The following WSCD1 variants were observed in gnomAD, a reference collection of about 807,000 sequenced individuals.
WSCD1 encodes the protein sialate:O-sulfotransferase 1.
In WSCD1, 41 loss-of-function variants were observed where a neutral mutation model predicts 60.4. That is an observed-to-expected ratio of 0.68 (90% confidence interval 0.53 to 0.88). The LOEUF is 0.88. WSCD1 is among the 40% of genes least tolerant of loss of function. The pLI is 0.00. For synonymous variants in WSCD1, 361 were observed against 332.5 expected (o/e 1.09, Z -0.93); for missense variants, 784 against 796.2 (o/e 0.98, Z 0.18).
intron 8 of WSCD1, 138 bp from the exon 9 acceptor site, chr17:6,120,171 A>C (rs1597373000): frequency 2.1e-6 from 2 of 952,476 alleles, no homozygotes; most frequent in East Asian, 2.4e-5. Context: ...GTCCTCCTCC[A>C]TGGGGAATGC....
At chr17:6,069,438 A>T (rs867876404), upstream of WSCD1, 11,211 of 304,530 alleles carry the variant, frequency 0.037, 197 homozygotes, top group Middle Eastern at 0.076. Context: ...TGAGAGAGAG[A>T]GAGAGAGAGA....
Position 6,120,531 on chromosome 17 carries a change from G to A in WSCD1, c.1598G>A (p.Arg533Gln), listed in dbSNP as rs781124961. 89 of 1,613,608 alleles carry A rather than the reference G, an allele frequency of 5.5e-5. No individual in the cohort carries two copies. Among genetic ancestry groups the A allele is most frequent in the South Asian group, 5.5e-5 (5 of 91,090 alleles). Residue 533 changes from arginine to glutamine, a missense_variant, in exon 9 of 9, where the codon CGG becomes CAG. Transcript: ENST00000317744. ...NKEGSFRRRG[R>Q]RSHDPEPFTP... Reference sequence around the variant, plus strand: ...GAGGGCAGCTTCCGGCGGCGCGGCCGGCGCTCCCACGACCCTGAGCCCTTC... The same window carrying A: ...GAGGGCAGCTTCCGGCGGCGCGGCCAGCGCTCCCACGACCCTGAGCCCTTC...
At chr17:6,116,083 G>A (rs973242408) in intron 7 of WSCD1, among the ~76,000 whole-genome samples, 2 of 152,172 alleles carry the variant, frequency 1.3e-5, no homozygotes, top group African/African-American at 4.8e-5. Flanking sequence ...AACCTCGAGT[G>A]TTACAGGCAT....
At chr17:6,072,828 C>T (rs554830647) in intron 1 of WSCD1, among the ~76,000 whole-genome samples, 51 of 152,238 alleles carry the variant, frequency 3.4e-4, no homozygotes, top group African/African-American at 9.4e-4. Flanking sequence ...GAAAAATTAT[C>T]GGAAGTGTGC....
chr17:6,104,916 G>A (rs1430027161), intron 5 of WSCD1, among the ~76,000 whole-genome samples: 2 of 152,160 alleles, frequency 1.3e-5, no homozygotes, highest in African/African-American at 4.8e-5. Flanking sequence ...TTCCCCTTCT[G>A]TGATCCCTGA....
rs1911351390 is a variant in WSCD1, at chr17:6,110,543, T to C, written c.1010-228T>C. ...GTCCATAGGGTGTCTGATTCCCATC[T>C]TACTCCTGCACTGCAGTATTGCAGG... On this transcript the variant is annotated intron_variant, in intron 6 of 8. Transcript: ENST00000317744. This position sits in a 1 kb window ranked among gnomAD's most constrained non-coding sequence, Gnocchi z 4.8. Among the ~76,000 whole-genome samples the C allele has an allele frequency of 6.6e-6, 1 of 152,180 alleles. No homozygotes were observed. The highest frequency in any genetic ancestry group is 6.5e-5 in the Admixed American group (1 of 15,280).
intron 1 of WSCD1, among the ~76,000 whole-genome samples, chr17:6,071,579 TGGAACA>T (rs1395832562): frequency 2.6e-5 from 4 of 152,260 alleles, no homozygotes; most frequent in Admixed American, 6.5e-5. Flanking sequence ...CTCTTGTTGC[TGGAACA>T]GCATGCTTAG....
At chr17:6,071,653 T>C (rs898950278) in intron 1 of WSCD1, among the ~76,000 whole-genome samples, 2 of 152,246 alleles carry the variant, frequency 1.3e-5, no homozygotes, top group Non-Finnish European at 2.9e-5. Context: ...GCCTTTCTTT[T>C]TTCCTCTGAT....
intron 4 of WSCD1, 109 bp from the exon 5 acceptor site, chr17:6,094,992 CG>C (rs150976247): frequency 0.018 from 26,384 of 1,485,198 alleles, 446 homozygotes; most frequent in African/African-American, 0.08. Context: ...GAACTCGCCT[CG>C]TAAGTTTATT....
intron 5 of WSCD1, among the ~76,000 whole-genome samples, chr17:6,098,303 C>A (rs1910581130): frequency 6.6e-6 from 1 of 152,130 alleles, no homozygotes; most frequent in African/African-American, 2.4e-5. Flanking sequence ...TGATTACAGA[C>A]AAGAATTTAA....
At chr17:6,099,689 T>G (rs1335029271) in intron 5 of WSCD1, among the ~76,000 whole-genome samples, 1 of 151,632 alleles carries the variant, frequency 6.6e-6, no homozygotes, top group Non-Finnish European at 1.5e-5. Flanking sequence ...GAGGGCCAGG[T>G]TTTTCAAGGG....
In WSCD1 at chr17:6,109,782, C is replaced by G; in HGVS notation, c.1009+16C>G. Reference sequence around the variant, plus strand: ...CCTGTGCAAGGTGGGTTCTGCATCCCCGACTGGTAGTGGCATTTGGTCTGG... The same window carrying G: ...CCTGTGCAAGGTGGGTTCTGCATCCGCGACTGGTAGTGGCATTTGGTCTGG... On this transcript the variant is annotated intron_variant, in intron 6 of 8. Transcript: ENST00000317744. 6.2e-7 allele frequency: 1 copy of G among 1,604,910 alleles called. No individual in the cohort carries two copies.
Position 6,120,610 on chromosome 17 carries a change from C to G in WSCD1, c.1677C>G (p.Ala559=). ...INGYIRTVDQ[A]LRDHNWTGLP... The stretch of plus-strand genomic sequence containing the variant: ...GCTACATCCGGACGGTGGACCAAGC[C>G]CTGCGTGACCACAACTGGACGGGGC... The change falls in exon 9 of 9, where the codon GCC becomes GCG. Residue 559 remains alanine, a synonymous_variant. Coordinates refer to ENST00000317744, the MANE Select transcript of WSCD1 (RefSeq NM_015253.2). 2 of 1,613,464 alleles carry G rather than the reference C, an allele frequency of 1.2e-6. No individual in the cohort carries two copies. Among genetic ancestry groups the G allele is most frequent in the Non-Finnish European group, 1.7e-6 (2 of 1,179,960 alleles).
intron 4 of WSCD1, among the ~76,000 whole-genome samples, chr17:6,090,846 A>T (rs1909989353): frequency 6.6e-6 from 1 of 152,078 alleles, no homozygotes; most frequent in Non-Finnish European, 1.5e-5. Flanking sequence ...TGTAAATTGC[A>T]GAGGGAGACC....
chr17:6,085,115 TC>T (rs1909546668), intron 2 of WSCD1: 1 of 152,164 alleles, frequency 6.6e-6, no homozygotes, highest in African/African-American at 2.4e-5. Context: ...TATTTACTGA[TC>T]CATCCATCAC....
Position 6,090,301 on chromosome 17 carries a change from C to T in WSCD1, c.543-20C>T. 1 of 1,563,566 alleles carries T rather than the reference C, an allele frequency of 6.4e-7. No homozygotes were observed. The highest frequency in any genetic ancestry group is 8.6e-7 in the Non-Finnish European group (1 of 1,157,956). ...AGCTCTGGGCCAAGGTCCGGACTCA[C>T]CCAGGCCTCCTCCCTGCAGGTCCTA... On this transcript the variant is annotated intron_variant, in intron 3 of 8. Transcript: ENST00000317744.
Position 6,079,729 on chromosome 17 carries a change from T to G in WSCD1, c.-288-642T>G, listed in dbSNP as rs576926486. On this transcript the variant is annotated intron_variant, in intron 1 of 8. Coordinates refer to ENST00000317744, the MANE Select transcript of WSCD1 (RefSeq NM_015253.2). ...CACAGTTCCAGTGCACCCCTGGGAG[T>G]CAGCTGATTGCATGCATATATCAAG... Among the ~76,000 whole-genome samples, 8 of 152,076 alleles carry G rather than the reference T, an allele frequency of 5.3e-5. No homozygotes were observed. The East Asian group carries it at 1.5e-3, about 29-fold the overall frequency.
chr17:6,108,342 T>C (rs1911218796), intron 5 of WSCD1, among the ~76,000 whole-genome samples: 2 of 152,202 alleles, frequency 1.3e-5, no homozygotes, highest in South Asian at 4.1e-4. Flanking sequence ...TGAGAAGTTT[T>C]CTCCACCCAC....
At position 6,080,508 on chromosome 17, in the gene WSCD1, G is replaced by A. The variant is rs1432499249; in HGVS notation, c.-151G>A. ...GCCATTTGAACACCTACTGGAAACG[G>A]GGCAGGAACAGTGAGTGACCCCAGG... is the stretch of plus-strand genomic sequence containing the variant. On this transcript the variant is annotated 5_prime_UTR_variant, in exon 2 of 9. Transcript: ENST00000317744. This position sits in a 1 kb window ranked among gnomAD's most constrained non-coding sequence, Gnocchi z 6.6. 3 of 746,420 alleles carry A rather than the reference G, an allele frequency of 4.0e-6. No homozygotes were observed. Among genetic ancestry groups the A allele is most frequent in the Non-Finnish European group, 6.6e-6 (3 of 456,872 alleles). The allele number at this position is 746,420 out of a possible 1,614,324, so 46.2% of individuals were successfully genotyped here.
Sources: allele counts gnomAD v4.1 joint callset (sites outside exome capture counted in the v4.1 genomes callset), GRCh38; gene constraint gnomAD v4.1.1; non-coding constraint Gnocchi (gnomAD v3.1); transcripts MANE v1.5; gene names NCBI Gene and HGNC (gene_info 2026-07-23, HGNC 2026-07-21).